ZSWIM5: variants seen among roughly 807,000 people sequenced by gnomAD.
ZSWIM5 encodes the protein zinc finger SWIM-type containing 5.
ZSWIM5 carries 55 observed loss-of-function variants against 119.6 expected under a neutral mutation model. The observed-to-expected ratio is 0.46, with a 90% confidence interval of 0.37 to 0.58. The LOEUF (loss-of-function observed/expected upper bound fraction) is 0.58. ZSWIM5 is among the 20% of genes least tolerant of loss of function. The pLI is 0.00. For missense variants in ZSWIM5, 1,193 were observed against 1,512.8 expected (o/e 0.79, Z 3.51); for synonymous variants, 537 against 606.9 (o/e 0.88, Z 1.69).
At position 45,057,898 on chromosome 1, in the gene ZSWIM5, GGTT is replaced by G. The variant is rs1269239079; in HGVS notation, c.1252+708_1252+710del. On this transcript the variant is annotated intron_variant, in intron 4 of 13. Transcript: ENST00000359600. The surrounding 1 kb of genome is among the most constrained non-coding windows in gnomAD (Gnocchi z 4.7). ...AATGGACACTACATTGCATTTTAAA[GGTT>G]GAGAAATCAAATAAAGTTGGTCACT... is the stretch of plus-strand genomic sequence containing the variant. 6.6e-6 allele frequency among the ~76,000 whole-genome samples: 1 copy of G among 152,134 alleles called. No homozygotes were observed. The highest frequency in any genetic ancestry group is 2.4e-5 in the African/African-American group (1 of 41,424).
intron 1 of ZSWIM5, among the ~76,000 whole-genome samples, chr1:45,130,627 T>C (rs1366333847): frequency 2.6e-5 from 4 of 152,278 alleles, no homozygotes; most frequent in East Asian, 3.9e-4. Flanking sequence ...ACCGAATCAC[T>C]TGTAAGTTGT....
chr1:45,099,711 G>A lies in ZSWIM5; in HGVS notation c.596-11474C>T, dbSNP rs141119750. On this transcript the variant is annotated intron_variant, in intron 1 of 13. Transcript: ENST00000359600. ...AAAGCTTATCTACCATGATCAAGTC[G>A]GCTTCATCCCTGGGATGCAAGGCTG... Among the ~76,000 whole-genome samples the A allele has an allele frequency of 2.4e-3, 360 of 152,158 alleles. 2 individuals are homozygous for A. The highest frequency in any genetic ancestry group is 2.9e-3 in the Non-Finnish European group (199 of 68,004).
intron 1 of ZSWIM5, among the ~76,000 whole-genome samples, chr1:45,135,532 T>C (rs761304596): frequency 6.6e-6 from 1 of 152,218 alleles, no homozygotes; most frequent in African/African-American, 2.4e-5. Context: ...TCTATGCTTA[T>C]GGAATGTCTT....
intron 1 of ZSWIM5, among the ~76,000 whole-genome samples, chr1:45,165,052 C>T (rs542059549): frequency 7.2e-4 from 110 of 152,048 alleles, no homozygotes; most frequent in African/African-American, 2.7e-3. Context: ...CCAAAATTGA[C>T]CACATAGTTG....
intron 1 of ZSWIM5, among the ~76,000 whole-genome samples, chr1:45,169,277 G>T (rs1197904988): frequency 1.3e-5 from 2 of 151,802 alleles, no homozygotes; most frequent in African/African-American, 4.8e-5. Flanking sequence ...CAGAAGGTGG[G>T]AAAACAGACA....
intron 1 of ZSWIM5, among the ~76,000 whole-genome samples, chr1:45,143,116 G>A (rs1348071440): frequency 1.4e-5 from 2 of 146,802 alleles, no homozygotes; most frequent in Admixed American, 6.9e-5. Context: ...AGGTTGCAGT[G>A]AGCTGAGATT....
At chr1:45,155,695 C>T (rs908160266) in intron 1 of ZSWIM5, among the ~76,000 whole-genome samples, 5 of 152,152 alleles carry the variant, frequency 3.3e-5, no homozygotes, top group Non-Finnish European at 5.9e-5. Context: ...ATGGAATACA[C>T]GCAGCCATAA....
intron 2 of ZSWIM5, 63 bp from the exon 3 acceptor site, chr1:45,060,310 G>A (rs1449866963): frequency 1.9e-6 from 3 of 1,560,058 alleles, no homozygotes; most frequent in African/African-American, 1.4e-5. Context: ...TTCAGCTGGA[G>A]GGGCACTTTG....
chr1:45,183,724 C>G (rs1434078591), intron 1 of ZSWIM5, among the ~76,000 whole-genome samples: 1 of 152,100 alleles, frequency 6.6e-6, no homozygotes, highest in East Asian at 1.9e-4. Flanking sequence ...CTGAATAGAC[C>G]AATAACAGGA....
At position 45,060,364 on chromosome 1, in the gene ZSWIM5, G is replaced by T. The variant is rs566044042; in HGVS notation, c.953-117C>A. ...GATGGGTCATTCTGCTTTAATATGG[G>T]TTTTGTCAACTGTATAGTCCTAAAC... On this transcript the variant is annotated intron_variant, in intron 2 of 13. Coordinates refer to ENST00000359600, the MANE Select transcript of ZSWIM5 (RefSeq NM_020883.2). The T allele has an allele frequency of 3.1e-5, 33 of 1,074,878 alleles. No individual in the cohort carries two copies. In the African/African-American group the frequency reaches 5.2e-4, roughly 17 times the overall value. 66.6% of individuals were successfully genotyped at this position (1,074,878 alleles called of 1,614,324 possible). A position where few individuals can be genotyped will look rare whatever the true frequency, so the allele number is the denominator to read the frequency against.
rs113395374 is a variant in ZSWIM5, at chr1:45,089,001, C to T, written c.596-764G>A. On this transcript the variant is annotated intron_variant, in intron 1 of 13. Transcript: ENST00000359600. Reference sequence around the variant, plus strand: ...TATCTCTGGGGTCTTGCTCTGCCACCGAGGCTGGAGTGCAGTGGTGCAATC... The same window carrying T: ...TATCTCTGGGGTCTTGCTCTGCCACTGAGGCTGGAGTGCAGTGGTGCAATC... 6.4e-3 allele frequency among the ~76,000 whole-genome samples: 979 copies of T among 152,180 alleles called. 12 individuals are homozygous for T. Among genetic ancestry groups the T allele is most frequent in the African/African-American group, 0.022 (934 of 41,516 alleles).
At chr1:45,062,208 T>C (rs548680201) in intron 2 of ZSWIM5, among the ~76,000 whole-genome samples, 1 of 152,230 alleles carries the variant, frequency 6.6e-6, no homozygotes, top group African/African-American at 2.4e-5. Context: ...CAATAGTCCA[T>C]AAATCAATAC....
intron 1 of ZSWIM5, among the ~76,000 whole-genome samples, chr1:45,148,973 T>G (rs907868635): frequency 1.3e-5 from 2 of 152,192 alleles, no homozygotes; most frequent in African/African-American, 4.8e-5. Context: ...TCAAAATACA[T>G]ATTAATAATT....
intron 1 of ZSWIM5, among the ~76,000 whole-genome samples, chr1:45,100,923 G>A (rs1253081910): frequency 6.6e-6 from 1 of 152,164 alleles, no homozygotes; most frequent in African/African-American, 2.4e-5. Flanking sequence ...AGACTTAAAT[G>A]TTAGACCTAA....
chr1:45,071,880 T>C (rs975725425), intron 2 of ZSWIM5, among the ~76,000 whole-genome samples: 2 of 152,214 alleles, frequency 1.3e-5, no homozygotes, highest in African/African-American at 4.8e-5. Flanking sequence ...TGAACAATGC[T>C]GCAACAAACA....
intron 5 of ZSWIM5, among the ~76,000 whole-genome samples, chr1:45,045,640 G>T (rs932335601): frequency 2.6e-5 from 4 of 152,070 alleles, no homozygotes; most frequent in Non-Finnish European, 5.9e-5. Context: ...CTCTACTGCT[G>T]AACTGAGAAT....
chr1:45,064,397 C>T (rs745310711), intron 2 of ZSWIM5, among the ~76,000 whole-genome samples: 3 of 152,126 alleles, frequency 2.0e-5, no homozygotes, highest in Non-Finnish European at 2.9e-5. Context: ...CAGTGTCAGG[C>T]TCATCACAGC....
chr1:45,105,346 A>G (rs999142812), intron 1 of ZSWIM5, among the ~76,000 whole-genome samples: 1 of 152,178 alleles, frequency 6.6e-6, no homozygotes, highest in African/African-American at 2.4e-5. Flanking sequence ...AAGTGCTAAG[A>G]TTACAGCCTC....
At chr1:45,118,229 G>C (rs991699648) in intron 1 of ZSWIM5, among the ~76,000 whole-genome samples, 4 of 152,292 alleles carry the variant, frequency 2.6e-5, no homozygotes, top group Non-Finnish European at 4.4e-5. Flanking sequence ...CGCATTGCCA[G>C]ACAATCATTA....
Sources: allele counts gnomAD v4.1 joint callset (sites outside exome capture counted in the v4.1 genomes callset), GRCh38; gene constraint gnomAD v4.1.1; non-coding constraint Gnocchi (gnomAD v3.1); transcripts MANE v1.5; gene names NCBI Gene and HGNC (gene_info 2026-07-23, HGNC 2026-07-21).